Variants in CDH4 observed in about 807,000 individuals in gnomAD.
CDH4 encodes the protein cadherin 4, also known as cadherin-4.
CDH4 carries 33 observed loss-of-function variants against 86.0 expected under a neutral mutation model. The observed-to-expected ratio is 0.38, with a 90% CI of 0.29 to 0.51. The LOEUF is 0.51. CDH4 is among the 20% of genes least tolerant of loss of function. The pLI is 0.86. For missense variants in CDH4, 1,114 were observed against 1,307.4 expected, an observed-to-expected ratio of 0.85 and a Z score of 2.28; for synonymous variants, 555 against 549.4, an observed-to-expected ratio of 1.01 and a Z score of -0.14.
At chr20:61,753,361 G>T (rs2088522094) in intron 3 of CDH4, among the ~76,000 whole-genome samples, 1 of 152,182 alleles carries the variant, frequency 6.6e-6, no homozygotes, top group Non-Finnish European at 1.5e-5. Context: ...ACAGTTAGAT[G>T]AACCATAAAA....
At chr20:61,904,489 C>T (rs1026193872) in intron 8 of CDH4, among the ~76,000 whole-genome samples, 3 of 152,178 alleles carry the variant, frequency 2.0e-5, no homozygotes, top group Admixed American at 2.0e-4. Context: ...AGCCAGAAGT[C>T]AGCTTTGTCT....
At chr20:61,445,898 A>G (rs2085347411) in intron 2 of CDH4, among the ~76,000 whole-genome samples, 1 of 152,228 alleles carries the variant, frequency 6.6e-6, no homozygotes, top group Non-Finnish European at 1.5e-5. Context: ...GAAGGAGGCC[A>G]TCTGTGGGCC....
chr20:61,743,457 C>T (rs1317207920), intron 2 of CDH4, 106 bp from the exon 3 acceptor site: 4 of 796,576 alleles, frequency 5.0e-6, no homozygotes, highest in East Asian at 5.3e-5. Context: ...ACCTCATGCC[C>T]CTCATGCCCA....
At chr20:61,599,321 G>T (rs1223872281) in intron 2 of CDH4, among the ~76,000 whole-genome samples, 1 of 152,208 alleles carries the variant, frequency 6.6e-6, no homozygotes, top group African/African-American at 2.4e-5. Flanking sequence ...TCTGCTGGGG[G>T]ACTCTGCAGA....
At chr20:61,726,242 G>A (rs2088109663) in intron 2 of CDH4, among the ~76,000 whole-genome samples, 1 of 152,104 alleles carries the variant, frequency 6.6e-6, no homozygotes, top group African/African-American at 2.4e-5. Flanking sequence ...GCAGCTGGGA[G>A]CCGCCAGTGA....
chr20:61,655,661 G>C (rs1266198079), intron 2 of CDH4, among the ~76,000 whole-genome samples: 1 of 152,246 alleles, frequency 6.6e-6, no homozygotes, highest in Non-Finnish European at 1.5e-5. Context: ...TTGTCAGTGT[G>C]TTCCATCAGT....
chr20:61,730,052 C>A (rs1336934239), intron 2 of CDH4, among the ~76,000 whole-genome samples: 7 of 152,200 alleles, frequency 4.6e-5, no homozygotes, highest in Admixed American at 4.6e-4. Context: ...AGTCACCCCC[C>A]TCTCCCACTG....
intron 7 of CDH4, among the ~76,000 whole-genome samples, chr20:61,887,366 T>G (rs1984593149): frequency 6.6e-6 from 1 of 152,134 alleles, no homozygotes; most frequent in Admixed American, 6.5e-5. Flanking sequence ...AAGACCCAGC[T>G]GCCCTCTAGT....
intron 2 of CDH4, among the ~76,000 whole-genome samples, chr20:61,720,363 G>A (rs1467033962): frequency 6.6e-6 from 1 of 152,108 alleles, no homozygotes; most frequent in African/African-American, 2.4e-5. Context: ...AGTGATGCAG[G>A]GGACACGTGC....
chr20:61,403,076 G>T (rs1004819647), intron 2 of CDH4, among the ~76,000 whole-genome samples: 2 of 152,154 alleles, frequency 1.3e-5, no homozygotes, highest in Non-Finnish European at 2.9e-5. Flanking sequence ...TTTTGCAGGG[G>T]TCTCTCCTGC....
At chr20:61,527,899 C>T (rs895529563) in intron 2 of CDH4, among the ~76,000 whole-genome samples, 1 of 152,094 alleles carries the variant, frequency 6.6e-6, no homozygotes, top group East Asian at 1.9e-4. Context: ...GGGGCACCGG[C>T]GCTCACCCTT....
At chr20:61,404,894 C>T (rs1366001266) in intron 2 of CDH4, among the ~76,000 whole-genome samples, 1 of 151,826 alleles carries the variant, frequency 6.6e-6, no homozygotes, top group Non-Finnish European at 1.5e-5. Flanking sequence ...ACTAAAAATA[C>T]AAAAAATTAG....
chr20:61,702,202 A>C (rs2087784212), intron 2 of CDH4, among the ~76,000 whole-genome samples: 1 of 152,136 alleles, frequency 6.6e-6, no homozygotes, highest in African/African-American at 2.4e-5. Context: ...TTTCTCCATA[A>C]AGCCCAGCTG....
intron 2 of CDH4, among the ~76,000 whole-genome samples, chr20:61,422,424 CAAAAAAAAAAAAAAAAAAAAAA>C (rs869235928): frequency 4.1e-3 from 91 of 22,254 alleles, no homozygotes; most frequent in South Asian, 9.1e-3. Context: ...AACTCCGTCT[CAAAAAAAAAAAAAAAAAAAAAA>C]AAAAAAAAAA....
intron 4 of CDH4, among the ~76,000 whole-genome samples, chr20:61,802,536 A>G (rs1289407698): frequency 6.6e-6 from 1 of 152,134 alleles, no homozygotes; most frequent in East Asian, 1.9e-4. Flanking sequence ...GCTTTGAAGG[A>G]AAACTTACTT....
At chr20:61,256,656 C>T (rs1221518934) in intron 2 of CDH4, among the ~76,000 whole-genome samples, 1 of 152,198 alleles carries the variant, frequency 6.6e-6, no homozygotes, top group Non-Finnish European at 1.5e-5. Flanking sequence ...TCTGGACCAG[C>T]TCAGACATTG....
chr20:61,470,049 T>C (rs550121014), intron 2 of CDH4, among the ~76,000 whole-genome samples: 5 of 152,324 alleles, frequency 3.3e-5, no homozygotes, highest in South Asian at 2.1e-4. Flanking sequence ...TCTGGGTCTT[T>C]TGTGGTTCTA....
intron 2 of CDH4, among the ~76,000 whole-genome samples, chr20:61,714,026 A>T (rs960720130): frequency 6.0e-5 from 8 of 132,574 alleles, no homozygotes; most frequent in Admixed American, 7.3e-5. Flanking sequence ...TTCTTTTTTT[A>T]TTTTATTTTA....
At chr20:61,313,931 C>A (rs544243166) in intron 2 of CDH4, among the ~76,000 whole-genome samples, 1 of 152,142 alleles carries the variant, frequency 6.6e-6, no homozygotes, top group Non-Finnish European at 1.5e-5. Context: ...GATGGGGTCC[C>A]ATCATGTTGC....
Sources: allele counts gnomAD v4.1 joint callset (sites outside exome capture counted in the v4.1 genomes callset), GRCh38; gene constraint gnomAD v4.1.1; transcripts MANE v1.5; gene names NCBI Gene and HGNC (gene_info 2026-07-23, HGNC 2026-07-21).